The following ZFPM2 variants were observed in gnomAD, a reference collection of about 807,000 sequenced individuals.
ZFPM2 encodes the protein zinc finger protein, FOG family member 2.
ZFPM2 carries 20 observed loss-of-function variants against 98.6 expected under a neutral mutation model. The observed-to-expected ratio is 0.20, with a 90% CI of 0.14 to 0.29. The LOEUF is 0.29. Ranked by LOEUF, ZFPM2 falls within the 10% of genes least tolerant of loss-of-function variation. The probability of loss-of-function intolerance (pLI) is 1.00; values close to 1 mark genes in which losing one functional copy is unlikely to be tolerated. For synonymous variants in ZFPM2, 518 were observed against 502.7 expected (o/e 1.03, Z -0.41); for missense variants, 1,310 against 1,388.6 (o/e 0.94, Z 0.90).
At chr8:105,656,534 A>G (rs1409366226) in intron 5 of ZFPM2, among the ~76,000 whole-genome samples, 1 of 152,196 alleles carries the variant, frequency 6.6e-6, no homozygotes, top group East Asian at 1.9e-4. Flanking sequence ...AAGAAAACAG[A>G]TGAGTCCCAA....
intron 2 of ZFPM2, among the ~76,000 whole-genome samples, chr8:105,430,120 T>G (rs530912679): frequency 6.6e-6 from 1 of 152,304 alleles, no homozygotes; most frequent in African/African-American, 2.4e-5. Flanking sequence ...CTGAGAAAGA[T>G]AGTTCTGACC....
intron 2 of ZFPM2, among the ~76,000 whole-genome samples, chr8:105,424,751 A>G (rs1321068823): frequency 6.6e-6 from 1 of 152,140 alleles, no homozygotes; most frequent in African/African-American, 2.4e-5. Context: ...ATTCAATACA[A>G]CTCAACCCAT....
chr8:105,448,542 C>T (rs940133815), intron 3 of ZFPM2, among the ~76,000 whole-genome samples: 1 of 151,900 alleles, frequency 6.6e-6, no homozygotes, highest in African/African-American at 2.4e-5. Flanking sequence ...CATTTCCCTC[C>T]TGTGGGCTTC....
chr8:105,505,674 A>C (rs1813684252), intron 3 of ZFPM2, among the ~76,000 whole-genome samples: 1 of 152,192 alleles, frequency 6.6e-6, no homozygotes, highest in Non-Finnish European at 1.5e-5. Context: ...GTATTCTGCT[A>C]CATTTCAAAT....
At chr8:105,629,438 AT>A (rs1456057318) in intron 4 of ZFPM2, among the ~76,000 whole-genome samples, 5 of 152,178 alleles carry the variant, frequency 3.3e-5, no homozygotes, top group African/African-American at 4.8e-5. Context: ...AAATTTAGTT[AT>A]TTTTGTTTTA....
intron 1 of ZFPM2, among the ~76,000 whole-genome samples, chr8:105,366,497 T>A (rs1397623859): frequency 5.4e-5 from 8 of 149,056 alleles, no homozygotes; most frequent in Non-Finnish European, 1.0e-4. Context: ...TTCTTTTTTT[T>A]AATTTTTTTC....
chr8:105,488,942 A>G lies in ZFPM2; in HGVS notation c.301+44561A>G, dbSNP rs143624521. On this transcript the variant is annotated intron_variant, in intron 3 of 7. Coordinates refer to ENST00000407775, the MANE Select transcript of ZFPM2 (RefSeq NM_012082.4). Reference sequence around the variant, plus strand: ...TCCATTATGTAATTTAGTTTGAAACATTATTTTCCATTGGAAAACTCATTT... The same window carrying G: ...TCCATTATGTAATTTAGTTTGAAACGTTATTTTCCATTGGAAAACTCATTT... Among the ~76,000 whole-genome samples, 37 of 152,264 alleles carry G rather than the reference A, an allele frequency of 2.4e-4. No individual in the cohort carries two copies. In the East Asian group the frequency reaches 6.8e-3, roughly 28 times the overall value.
intron 5 of ZFPM2, among the ~76,000 whole-genome samples, chr8:105,730,012 A>G (rs1811894696): frequency 2.0e-5 from 3 of 151,474 alleles, no homozygotes; most frequent in Admixed American, 6.6e-5. Context: ...TTCATTTATT[A>G]CTTTTTTCAT....
intron 3 of ZFPM2, among the ~76,000 whole-genome samples, chr8:105,487,691 G>C (rs1813256671): frequency 6.6e-6 from 1 of 151,686 alleles, no homozygotes; most frequent in South Asian, 2.1e-4. Flanking sequence ...AACAGTATCT[G>C]GCACATAATA....
intron 3 of ZFPM2, among the ~76,000 whole-genome samples, chr8:105,529,338 T>G (rs962026228): frequency 6.6e-6 from 1 of 152,100 alleles, no homozygotes; most frequent in Non-Finnish European, 1.5e-5. Flanking sequence ...CATATGCATT[T>G]TTATGGGGGG....
At chr8:105,797,660 A>G (rs2131166285) in intron 6 of ZFPM2, among the ~76,000 whole-genome samples, 1 of 152,210 alleles carries the variant, frequency 6.6e-6, no homozygotes, top group East Asian at 1.9e-4. Context: ...CTCCTCTCTC[A>G]GGCTCTCATG....
chr8:105,664,336 T>G (rs1434774377), intron 5 of ZFPM2, among the ~76,000 whole-genome samples: 10 of 151,402 alleles, frequency 6.6e-5, no homozygotes, highest in Non-Finnish European at 2.9e-5. Flanking sequence ...TGTGTGTGTG[T>G]GTGTGTGTGT....
intron 1 of ZFPM2, among the ~76,000 whole-genome samples, chr8:105,417,795 A>G (rs1230458388): frequency 6.6e-6 from 1 of 152,190 alleles, no homozygotes; most frequent in South Asian, 2.1e-4. Context: ...CCTTGAGCAT[A>G]TGGAATGTAT....
chr8:105,527,111 A>G (rs1814190617), intron 3 of ZFPM2, among the ~76,000 whole-genome samples: 1 of 152,198 alleles, frequency 6.6e-6, no homozygotes, highest in Non-Finnish European at 1.5e-5. Flanking sequence ...TGTTAAATAA[A>G]CAAAAATAGC....
At chr8:105,334,848 AT>A (rs200992707) in intron 1 of ZFPM2, among the ~76,000 whole-genome samples, 1 of 151,486 alleles carries the variant, frequency 6.6e-6, no homozygotes, top group East Asian at 1.9e-4. Flanking sequence ...CTTATTAAGG[AT>A]TTTTTTATCC....
At chr8:105,669,173 G>T (rs1233021032) in intron 5 of ZFPM2, among the ~76,000 whole-genome samples, 2 of 151,996 alleles carry the variant, frequency 1.3e-5, no homozygotes, top group South Asian at 2.1e-4. Flanking sequence ...ACTTTGGAGA[G>T]ATTTGGTGAA....
chr8:105,473,551 G>A (rs1812950968), intron 3 of ZFPM2, among the ~76,000 whole-genome samples: 1 of 152,146 alleles, frequency 6.6e-6, no homozygotes, highest in African/African-American at 2.4e-5. Flanking sequence ...GGTGGGTTAA[G>A]AGAGGAAAGA....
At chr8:105,655,509 G>A (rs1817266419) in intron 5 of ZFPM2, among the ~76,000 whole-genome samples, 1 of 152,076 alleles carries the variant, frequency 6.6e-6, no homozygotes, top group Non-Finnish European at 1.5e-5. Flanking sequence ...GGGATTACAG[G>A]CATCAGCCAC....
At chr8:105,334,647 G>A (rs1812293925) in intron 1 of ZFPM2, among the ~76,000 whole-genome samples, 1 of 151,550 alleles carries the variant, frequency 6.6e-6, no homozygotes, top group East Asian at 1.9e-4. Flanking sequence ...TATACAAAAA[G>A]TTTATCTCCA....
Sources: allele counts gnomAD v4.1 joint callset (sites outside exome capture counted in the v4.1 genomes callset), GRCh38; gene constraint gnomAD v4.1.1; transcripts MANE v1.5; gene names NCBI Gene and HGNC (gene_info 2026-07-23, HGNC 2026-07-21).